DNAH11: variants seen among roughly 807,000 people sequenced by gnomAD.
DNAH11 encodes the protein dynein axonemal heavy chain 11.
DNAH11 carries 442 observed loss-of-function variants against 526.0 expected under a neutral mutation model. The ratio of observed to expected loss-of-function variants is 0.84; its 90% CI spans 0.78 to 0.91. The LOEUF (loss-of-function observed/expected upper bound fraction) is 0.91, where lower values mean the gene tolerates loss of function less well. Ranked by LOEUF, DNAH11 falls within the 40% of genes least tolerant of loss-of-function variation. The pLI is 0.00. For synonymous variants in DNAH11, 2,461 were observed against 1,935.9 expected (o/e 1.27, Z -7.12); for missense variants, 6,989 against 5,448.7 (o/e 1.28, Z -8.90).
At chr7:21,611,887 C>G (rs1017512786) in intron 20 of DNAH11, among the ~76,000 whole-genome samples, 10 of 152,164 alleles carry the variant, frequency 6.6e-5, no homozygotes, top group African/African-American at 2.2e-4. Flanking sequence ...TTATAGTGAA[C>G]CATCACTAAC....
chr7:21,732,945 AGT>A (rs1785442530), intron 45 of DNAH11, among the ~76,000 whole-genome samples: 1 of 152,218 alleles, frequency 6.6e-6, no homozygotes, highest in South Asian at 2.1e-4. Flanking sequence ...CCTGTAACCC[AGT>A]CTCAGGCCTG....
At chr7:21,803,708 G>A (rs544734013) in intron 62 of DNAH11, among the ~76,000 whole-genome samples, 4 of 151,732 alleles carry the variant, frequency 2.6e-5, no homozygotes, top group Non-Finnish European at 4.4e-5. Flanking sequence ...AGTGGGGAAT[G>A]GGGCTGTCAT....
At chr7:21,773,506 C>T (rs575450381) in intron 55 of DNAH11, among the ~76,000 whole-genome samples, 17 of 152,176 alleles carry the variant, frequency 1.1e-4, no homozygotes, top group Middle Eastern at 6.8e-3. Flanking sequence ...TCTGTATATG[C>T]TGGCTTTTGT....
intron 27 of DNAH11, 61 bp from the exon 28 acceptor site, chr7:21,638,878 T>G: frequency 6.5e-7 from 1 of 1,545,524 alleles, no homozygotes; most frequent in Non-Finnish European, 8.7e-7. Context: ...AGTTTTGTTT[T>G]GCCGAAGTTT....
Position 21,787,402 on chromosome 7 carries a change from T to C in DNAH11, c.9743T>C (p.Val3248Ala). ...GCAATAAATCTTTTTGCTTTGCAGG[T>C]TGATGATTTTTTGCAAGCATTAATT... Reference protein sequence around the residue: ...WKAAKVFMGKVDDFLQALINY... With the variant: ...WKAAKVFMGKADDFLQALINY... The change falls in exon 60 of 82, where the codon GTT (valine) becomes GCT (alanine). Residue 3248 changes from valine to alanine, a missense_variant and splice_region_variant. Coordinates refer to ENST00000409508, the MANE Select transcript of DNAH11 (RefSeq NM_001277115.2). 1 of 1,599,964 alleles carries C rather than the reference T, an allele frequency of 6.3e-7. No homozygotes were observed. The highest frequency in any genetic ancestry group is 8.5e-7 in the Non-Finnish European group (1 of 1,173,704).
At chr7:21,782,615 T>G (rs1787996787) in intron 57 of DNAH11, among the ~76,000 whole-genome samples, 1 of 152,212 alleles carries the variant, frequency 6.6e-6, no homozygotes, top group Non-Finnish European at 1.5e-5. Context: ...CCTAGGCTGA[T>G]AGAAATGGCA....
chr7:21,681,761 T>A (rs1356583951), intron 31 of DNAH11, 84 bp downstream of exon 31: 2 of 1,540,332 alleles, frequency 1.3e-6, no homozygotes, highest in Non-Finnish European at 1.8e-6. Context: ...AAGAAAGTCG[T>A]TGTTTTTTTG....
intron 54 of DNAH11, among the ~76,000 whole-genome samples, chr7:21,763,353 A>AAAAAAAAAAAAAAAAAAAAAGAAG (rs66803559): frequency 1.8e-5 from 1 of 56,964 alleles, no homozygotes; most frequent in Non-Finnish European, 2.8e-5. Flanking sequence ...AAAAAAAAAA[A>AAAAAAAAAAAAAAAAAAAAAGAAG]AAAGAAAAAA....
intron 18 of DNAH11, among the ~76,000 whole-genome samples, chr7:21,603,210 A>G (rs1785158707): frequency 6.6e-6 from 1 of 152,212 alleles, no homozygotes. Flanking sequence ...TTCCAGGTTC[A>G]TTCACATTGT....
At chr7:21,608,608 A>G (rs1029693143) in intron 20 of DNAH11, among the ~76,000 whole-genome samples, 14 of 152,230 alleles carry the variant, frequency 9.2e-5, no homozygotes, top group Admixed American at 2.6e-4. Context: ...TGGTTAACAT[A>G]TTCATTGAAA....
chr7:21,774,734 T>C (rs558161399), intron 56 of DNAH11, among the ~76,000 whole-genome samples: 2 of 152,294 alleles, frequency 1.3e-5, no homozygotes, highest in South Asian at 4.1e-4. Context: ...GAGTTGTCCA[T>C]GGCACTGTGC....
chr7:21,543,679 C>T, intron 1 of DNAH11, 83 bp downstream of exon 1: 1 of 1,440,710 alleles, frequency 6.9e-7, no homozygotes, highest in South Asian at 1.3e-5. Context: ...TTTGGATTCC[C>T]GCGGGGCGCT....
chr7:21,704,736 G>C, intron 38 of DNAH11, 108 bp downstream of exon 38: 1 of 1,240,862 alleles, frequency 8.1e-7, no homozygotes, highest in Non-Finnish European at 1.1e-6. Flanking sequence ...AACCTTAATA[G>C]GATCTTAATA....
At chr7:21,629,677 C>T (rs1469382237) in intron 25 of DNAH11, among the ~76,000 whole-genome samples, 1 of 151,980 alleles carries the variant, frequency 6.6e-6, no homozygotes, top group African/African-American at 2.4e-5. Context: ...ATGTAGTTAT[C>T]TTCTTTACCT....
chr7:21,894,193 G>C (rs1784426480), intron 77 of DNAH11, among the ~76,000 whole-genome samples: 1 of 152,044 alleles, frequency 6.6e-6, no homozygotes, highest in African/African-American at 2.4e-5. Context: ...CCAGCCCCTG[G>C]TTTGTGTGGC....
At chr7:21,628,042 T>C (rs940236907) in intron 25 of DNAH11, among the ~76,000 whole-genome samples, 5 of 152,186 alleles carry the variant, frequency 3.3e-5, no homozygotes, top group African/African-American at 1.2e-4. Flanking sequence ...TGATATTATT[T>C]GTAGCTATTG....
chr7:21,797,110 A>G (rs1788751773), intron 61 of DNAH11, among the ~76,000 whole-genome samples: 1 of 152,218 alleles, frequency 6.6e-6, no homozygotes, highest in African/African-American at 2.4e-5. Flanking sequence ...TTTGAAAACA[A>G]GGAGAAAGGT....
intron 65 of DNAH11, among the ~76,000 whole-genome samples, chr7:21,826,406 G>A (rs1169022639): frequency 6.6e-6 from 1 of 152,242 alleles, no homozygotes; most frequent in South Asian, 2.1e-4. Context: ...TGCAGTAAAA[G>A]TTGGGAGAAA....
At chr7:21,686,153 G>A (rs373837120) in intron 32 of DNAH11, among the ~76,000 whole-genome samples, 11 of 152,278 alleles carry the variant, frequency 7.2e-5, no homozygotes, top group East Asian at 3.9e-4. Flanking sequence ...GCTTCTATTT[G>A]CATAGTACTT....
Sources: gnomAD v4.1 joint callset for allele counts (sites outside exome capture counted in the v4.1 genomes callset) on GRCh38, gnomAD v4.1.1 for gene constraint, MANE v1.5 for transcripts, NCBI Gene and HGNC (gene_info 2026-07-23, HGNC 2026-07-21) for gene names.